Variants in GPC6 observed in about 807,000 individuals in gnomAD.
The protein encoded by GPC6 is glypican 6.
GPC6 carries 14 observed loss-of-function variants against 55.2 expected under a neutral mutation model. The observed-to-expected ratio is 0.25, with a 90% CI of 0.17 to 0.40. The LOEUF is 0.40. Among genes scored for constraint, GPC6 ranks in the 10% least tolerant of loss-of-function variants. The pLI, the probability that GPC6 is intolerant of heterozygous loss-of-function variation, is 1.00. For synonymous variants in GPC6, 278 were observed against 259.6 expected (o/e 1.07, Z -0.68); for missense variants, 641 against 708.5 (o/e 0.90, Z 1.08).
chr13:93,434,020 A>C (rs1256580494), intron 1 of GPC6, among the ~76,000 whole-genome samples: 1 of 152,196 alleles, frequency 6.6e-6, no homozygotes, highest in Admixed American at 6.5e-5. Context: ...AAATAGGATA[A>C]TATGTACTAT....
chr13:93,540,277 A>G, intron 1 of GPC6, among the ~76,000 whole-genome samples: 1 of 152,130 alleles, frequency 6.6e-6, no homozygotes, highest in East Asian at 1.9e-4. Context: ...TTTGTTACAA[A>G]ATATTTTTAT....
intron 2 of GPC6, among the ~76,000 whole-genome samples, chr13:93,710,435 T>C (rs1180745286): frequency 2.0e-5 from 3 of 151,750 alleles, no homozygotes; most frequent in Non-Finnish European, 4.4e-5. Flanking sequence ...GTCCAAGATA[T>C]CACATCTTGT....
chr13:93,231,981 C>T (rs1024249078), intron 1 of GPC6, among the ~76,000 whole-genome samples: 6 of 152,260 alleles, frequency 3.9e-5, no homozygotes, highest in Admixed American at 3.3e-4. Flanking sequence ...TTTCAAAATA[C>T]ATAATGTTTC....
intron 1 of GPC6, among the ~76,000 whole-genome samples, chr13:93,492,672 T>A (rs1880069614): frequency 6.6e-6 from 1 of 150,984 alleles, no homozygotes; most frequent in African/African-American, 2.4e-5. Context: ...CATAGATAGC[T>A]CTTATTATTT....
chr13:93,314,776 T>C (rs1879192250), intron 1 of GPC6, among the ~76,000 whole-genome samples: 2 of 148,900 alleles, frequency 1.3e-5, no homozygotes, highest in South Asian at 4.2e-4. Context: ...TGCTGAGAAA[T>C]GAGGAGATTG....
chr13:93,682,747 C>T lies in GPC6; in HGVS notation c.319+137326C>T, dbSNP rs191143695. Among the ~76,000 whole-genome samples, 545 of 151,772 alleles carry T rather than the reference C, an allele frequency of 3.6e-3. 4 individuals carry two copies. Among genetic ancestry groups the T allele is most frequent in the African/African-American group, 0.012 (484 of 41,364 alleles). On this transcript the variant is annotated intron_variant, in intron 2 of 8. Coordinates refer to ENST00000377047, the MANE Select transcript of GPC6 (RefSeq NM_005708.5). Reference sequence around the variant, plus strand: ...AAATCGTCTAGGCTGAGCATGGTGGCCTGTAATCCCAGCACTTTGGGAGGC... The same window carrying T: ...AAATCGTCTAGGCTGAGCATGGTGGTCTGTAATCCCAGCACTTTGGGAGGC...
At chr13:94,242,575 C>A (rs1566584524) in intron 4 of GPC6, among the ~76,000 whole-genome samples, 1 of 152,030 alleles carries the variant, frequency 6.6e-6, no homozygotes, top group Non-Finnish European at 1.5e-5. Flanking sequence ...GAATTTCAAG[C>A]AGAAATCAGA....
intron 5 of GPC6, among the ~76,000 whole-genome samples, chr13:94,303,784 AAT>A (rs1875793538): frequency 6.6e-6 from 1 of 151,096 alleles, no homozygotes; most frequent in African/African-American, 2.5e-5. Flanking sequence ...AAAAAAAAAA[AAT>A]TCCAGCAAAC....
intron 4 of GPC6, among the ~76,000 whole-genome samples, chr13:94,231,056 A>G (rs1890710480): frequency 6.6e-6 from 1 of 152,196 alleles, no homozygotes; most frequent in Non-Finnish European, 1.5e-5. Context: ...CTGTGTCTCC[A>G]TAGCCATGTT....
At chr13:93,398,129 G>T (rs1875931965) in intron 1 of GPC6, among the ~76,000 whole-genome samples, 1 of 152,284 alleles carries the variant, frequency 6.6e-6, no homozygotes, top group South Asian at 2.1e-4. Context: ...ACACACTGGA[G>T]CATGGAGTGA....
At chr13:93,452,411 A>T (rs1878263498) in intron 1 of GPC6, among the ~76,000 whole-genome samples, 1 of 152,222 alleles carries the variant, frequency 6.6e-6, no homozygotes, top group African/African-American at 2.4e-5. Context: ...AATAAGCATT[A>T]CCCTTTGATT....
chr13:94,098,189 A>G (rs1188192647), intron 4 of GPC6, among the ~76,000 whole-genome samples: 1 of 152,206 alleles, frequency 6.6e-6, no homozygotes, highest in Non-Finnish European at 1.5e-5. Context: ...TGCATTTCAT[A>G]GGATTCTTGT....
At chr13:94,021,865 A>G (rs910082978) in intron 3 of GPC6, among the ~76,000 whole-genome samples, 16 of 152,110 alleles carry the variant, frequency 1.1e-4, no homozygotes, top group African/African-American at 3.9e-4. Context: ...TTGGCTCACA[A>G]ACTTGTGTCT....
chr13:93,272,067 A>AT (rs542649007), intron 1 of GPC6, among the ~76,000 whole-genome samples: 70 of 150,998 alleles, frequency 4.6e-4, no homozygotes, highest in African/African-American at 1.4e-3. Flanking sequence ...GAGGTAGTTA[A>AT]TTTTTTTTTC....
intron 2 of GPC6, among the ~76,000 whole-genome samples, chr13:93,643,334 C>T (rs74111517): frequency 4.1e-4 from 63 of 152,178 alleles, no homozygotes; most frequent in African/African-American, 1.4e-3. Context: ...AACTTTACCT[C>T]CTGGCCTCTA....
At chr13:94,178,730 A>G (rs142396635) in intron 4 of GPC6, among the ~76,000 whole-genome samples, 207 of 152,314 alleles carry the variant, frequency 1.4e-3, no homozygotes, top group Admixed American at 2.7e-3. Flanking sequence ...TTCCTTCCCA[A>G]CAACTCTGAT....
intron 1 of GPC6, among the ~76,000 whole-genome samples, chr13:93,491,700 A>C (rs1300255317): frequency 1.5e-5 from 2 of 136,890 alleles, no homozygotes; most frequent in East Asian, 4.9e-4. Flanking sequence ...TTTTTGTATA[A>C]GGTGTAAGGA....
intron 2 of GPC6, among the ~76,000 whole-genome samples, chr13:93,702,692 C>T (rs1882714007): frequency 1.3e-5 from 2 of 152,054 alleles, no homozygotes; most frequent in Admixed American, 1.3e-4. Flanking sequence ...GCGGCAGCTC[C>T]TCCATGACCA....
chr13:93,528,911 A>T (rs1013940062), intron 1 of GPC6, among the ~76,000 whole-genome samples: 1 of 152,166 alleles, frequency 6.6e-6, no homozygotes, highest in African/African-American at 2.4e-5. Context: ...GCATAAAATC[A>T]GCTAAACCTA....
Sources: gnomAD v4.1 joint callset for allele counts (sites outside exome capture counted in the v4.1 genomes callset) on GRCh38, gnomAD v4.1.1 for gene constraint, MANE v1.5 for transcripts, NCBI Gene and HGNC (gene_info 2026-07-23, HGNC 2026-07-21) for gene names.